Variants in ZNF37A observed in about 807,000 individuals in gnomAD.
The protein encoded by ZNF37A is zinc finger protein 37A, also known as zinc finger protein 37a (KOX 21).
A neutral mutation model predicts 12.3 loss-of-function variants in ZNF37A; 10 were observed. The ratio of observed to expected loss-of-function variants is 0.82; its 90% CI spans 0.50 to 1.38. The LOEUF (loss-of-function observed/expected upper bound fraction) is 1.38, where lower values mean the gene tolerates loss of function less well. Among genes scored for constraint, ZNF37A ranks in the 40% most tolerant of loss-of-function variants. The probability of loss-of-function intolerance (pLI) is 0.00; values close to 1 mark genes in which losing one functional copy is unlikely to be tolerated. For missense variants in ZNF37A, 580 were observed against 651.2 expected, an observed-to-expected ratio of 0.89 and a Z score of 1.19; for synonymous variants, 207 against 223.0, an observed-to-expected ratio of 0.93 and a Z score of 0.64.
In ZNF37A at chr10:38,118,439, C is replaced by T. The variant is rs148160741; in HGVS notation, c.1288C>T (p.Leu430=). 8.7e-6 allele frequency: 14 copies of T among 1,613,874 alleles called. No homozygotes were observed. In the African/African-American group the frequency reaches 1.6e-4, roughly 18 times the overall value. Reference sequence around the variant, plus strand: ...TGAGAAGTCAACCCTTACTAAACATCTAAGAACTCACACAGGTGAGAAACC... The same window carrying T: ...TGAGAAGTCAACCCTTACTAAACATTTAAGAACTCACACAGGTGAGAAACC... The part of the protein sequence containing the change: ...FSEKSTLTKH[L]RTHTGEKPYE... Residue 430 remains leucine (L), a synonymous_variant, in exon 8 of 8, where the codon CTA becomes TTA. Transcript: ENST00000685332.
At chr10:38,148,926 C>G (rs552818637) in exon 8 of ZNF37A, 1 of 151,908 alleles carries the variant, frequency 6.6e-6, no homozygotes, top group African/African-American at 2.4e-5. Context: ...CAGCCTCTGC[C>G]TCCCAGGTTC....
rs1278135932 is a variant in ZNF37A, at chr10:38,119,888, G to A, written c.*1051G>A. 6.6e-6 allele frequency: 1 copy of A among 152,168 alleles called. No homozygotes were observed. The highest frequency in any genetic ancestry group is 2.4e-5 in the African/African-American group (1 of 41,434). 9.4% of individuals were successfully genotyped at this position (152,168 alleles called of 1,614,324 possible). A position where few individuals can be genotyped will look rare whatever the true frequency, so the allele number is the denominator to read the frequency against. On this transcript the variant is annotated 3_prime_UTR_variant, in exon 8 of 8. Coordinates refer to ENST00000685332, the MANE Select transcript of ZNF37A (RefSeq NM_001324250.3). ...GACTAAATTCAGACGACCCATCTCA[G>A]AATGGTGGATCAAAGCAGCAAGTCA... is the stretch of plus-strand genomic sequence containing the variant.
At position 38,142,773 on chromosome 10, in the gene ZNF37A, A is replaced by T. The variant is rs1239484578; in HGVS notation, c.239-3959A>T. 3 of 152,150 alleles carry T rather than the reference A, an allele frequency of 2.0e-5. No homozygotes were observed. The East Asian group carries it at 5.8e-4, about 29-fold the overall frequency. The allele number at this position is 152,150 out of a possible 1,614,324, so 9.4% of individuals were successfully genotyped here. ...TTATGCACGTCACTTGTTGCAGCCC[A>T]CTGGTGTCCACATTCTGCCATGTGA... is the stretch of plus-strand genomic sequence containing the variant. On this transcript the variant is annotated intron_variant, in intron 7 of 7. Coordinates refer to the ZNF37A transcript ENST00000638053.
In ZNF37A at chr10:38,119,381, T is replaced by G. The variant is rs1203105468; in HGVS notation, c.*544T>G. ...AGAAAATGCACAAACTGTAGGAAAC[T>G]ATAGGAAAGCATTTACTATGAGGTT... On this transcript the variant is annotated 3_prime_UTR_variant, in exon 8 of 8. Transcript: ENST00000685332. The G allele has an allele frequency of 1.0e-6, 1 of 994,224 alleles. No individual in the cohort carries two copies. The highest frequency in any genetic ancestry group is 1.7e-5 in the African/African-American group (1 of 57,248). 61.6% of individuals were successfully genotyped at this position (994,224 alleles called of 1,614,324 possible).
At chr10:38,148,626 G>A (rs542090994) in exon 8 of ZNF37A, 1 of 152,240 alleles carries the variant, frequency 6.6e-6, no homozygotes, top group South Asian at 2.1e-4. Context: ...TACTGAGAGG[G>A]AGGCTCATGG....
chr10:38,146,558 C>T (rs2070257525), intron 7 of ZNF37A, among the ~76,000 whole-genome samples: 2 of 152,144 alleles, frequency 1.3e-5, no homozygotes, highest in African/African-American at 4.8e-5. Context: ...TGGGTTGATC[C>T]TGGAACAATC....
intron 7 of ZNF37A, among the ~76,000 whole-genome samples, chr10:38,131,469 C>T (rs1461239666): frequency 1.3e-5 from 2 of 152,160 alleles, no homozygotes; most frequent in Admixed American, 1.3e-4. Flanking sequence ...TGAATGGCCT[C>T]TGCATCTTTG....
intron 5 of ZNF37A, among the ~76,000 whole-genome samples, 154 bp from the exon 6 acceptor site, chr10:38,114,601 A>G (rs2069086856): frequency 6.6e-6 from 1 of 152,186 alleles, no homozygotes; most frequent in African/African-American, 2.4e-5. Flanking sequence ...TACTCACAAT[A>G]TGTAACATAA....
At chr10:38,139,737 TC>T (rs563227609) in intron 7 of ZNF37A, 29 of 152,330 alleles carry the variant, frequency 1.9e-4, no homozygotes, top group African/African-American at 7.0e-4. Context: ...TTACTATTTT[TC>T]TTCCTTCAAG....
chr10:38,100,393 A>C (rs917849802), intron 5 of ZNF37A, among the ~76,000 whole-genome samples: 1 of 152,114 alleles, frequency 6.6e-6, no homozygotes, highest in African/African-American at 2.4e-5. Context: ...GAACTATGGG[A>C]GACTGGGGTC....
intron 5 of ZNF37A, among the ~76,000 whole-genome samples, chr10:38,104,400 G>C (rs1325571400): frequency 2.6e-5 from 4 of 152,032 alleles, no homozygotes; most frequent in Non-Finnish European, 5.9e-5. Context: ...GGAATGTTCT[G>C]GGTGTACTAG....
In ZNF37A at chr10:38,114,782, G is replaced by A. The variant is rs1242775262; in HGVS notation, c.43G>A (p.Val15Met). ...QGSVSFRDVT[V>M]GFTQEEWQHL... is the part of the protein sequence containing the mutation. Reference sequence around the variant, plus strand: ...ATCAGTGTCGTTTAGGGATGTGACTGTGGGCTTCACTCAAGAGGAGTGGCA... The same window carrying A: ...ATCAGTGTCGTTTAGGGATGTGACTATGGGCTTCACTCAAGAGGAGTGGCA... Residue 15 changes from valine to methionine, a missense_variant, in exon 6 of 8, where the codon GTG becomes ATG. Physicochemically the swap from Val to Met is conservative, Grantham distance 21. Transcript: ENST00000685332. 1.2e-6 allele frequency: 2 copies of A among 1,613,930 alleles called. No individual in the cohort carries two copies. Among genetic ancestry groups the A allele is most frequent in the Non-Finnish European group, 1.7e-6 (2 of 1,179,998 alleles).
intron 5 of ZNF37A, among the ~76,000 whole-genome samples, chr10:38,104,969 T>G (rs2067926924): frequency 6.6e-6 from 1 of 152,046 alleles, no homozygotes; most frequent in African/African-American, 2.4e-5. Context: ...CCACAATATT[T>G]ATTTGCTCCT....
At chr10:38,115,021 A>G (rs2069133920) in intron 6 of ZNF37A, 140 bp downstream of exon 6, 1 of 1,305,904 alleles carries the variant, frequency 7.7e-7, no homozygotes, top group South Asian at 1.5e-5. Context: ...CCTTTTGGAT[A>G]CCAGAAAGAA....
intron 5 of ZNF37A, among the ~76,000 whole-genome samples, chr10:38,107,559 G>A (rs2068218765): frequency 6.6e-6 from 1 of 152,156 alleles, no homozygotes; most frequent in Non-Finnish European, 1.5e-5. Flanking sequence ...ACACAGACTG[G>A]CAAATTGGAT....
In ZNF37A at chr10:38,119,328, A is replaced by G; in HGVS notation, c.*491A>G. On this transcript the variant is annotated 3_prime_UTR_variant, in exon 8 of 8. Transcript: ENST00000685332. ...CCTATGGGTGTAATGAATGTGGAAA[A>G]TCATTCTGTGTGAAGTCAAGAGGCC... 4 of 1,019,140 alleles carry G rather than the reference A, an allele frequency of 3.9e-6. No homozygotes were observed. Among genetic ancestry groups the G allele is most frequent in the Non-Finnish European group, 4.8e-6 (4 of 841,316 alleles). 63.1% of individuals were successfully genotyped at this position (1,019,140 alleles called of 1,614,324 possible).
rs2069708178 is a variant in ZNF37A, at chr10:38,121,731, A to G, written c.*2894A>G. On this transcript the variant is annotated 3_prime_UTR_variant, in exon 8 of 8. Coordinates refer to ENST00000685332, the MANE Select transcript of ZNF37A (RefSeq NM_001324250.3). ...CTTTTAAATATATAGGAACAAATAA[A>G]TAAATTGTTGTGTGTGCACATATGC... 6.6e-6 allele frequency: 1 copy of G among 152,196 alleles called. No individual in the cohort carries two copies. Among genetic ancestry groups the G allele is most frequent in the Non-Finnish European group, 1.5e-5 (1 of 68,028 alleles). 9.4% of individuals were successfully genotyped at this position (152,196 alleles called of 1,614,324 possible).
chr10:38,112,775 CTTTTCTTTTCTTTTCTTTTCT>C (rs1564932308), intron 5 of ZNF37A, among the ~76,000 whole-genome samples: 38 of 53,920 alleles, frequency 7.0e-4, no homozygotes, highest in African/African-American at 1.1e-3. Flanking sequence ...CTTTTCTTTT[CTTTTCTTTTCTTTTCTTTTCT>C]TGTCTTGTCT....
Position 38,119,914 on chromosome 10 carries a change from A to G in ZNF37A, c.*1077A>G, listed in dbSNP as rs1210925397. On this transcript the variant is annotated 3_prime_UTR_variant, in exon 8 of 8. Coordinates refer to ENST00000685332, the MANE Select transcript of ZNF37A (RefSeq NM_001324250.3). ...AATGGTGGATCAAAGCAGCAAGTCA[A>G]TTTGCCTTGTATGCAACTTATGAGG... 2.0e-5 allele frequency: 3 copies of G among 152,156 alleles called. No homozygotes were observed. The highest frequency in any genetic ancestry group is 7.2e-5 in the African/African-American group (3 of 41,442). The allele number at this position is 152,156 out of a possible 1,614,324, so 9.4% of individuals were successfully genotyped here. A position where few individuals can be genotyped will look rare whatever the true frequency, so the allele number is the denominator to read the frequency against.
Sources: allele counts gnomAD v4.1 joint callset (sites outside exome capture counted in the v4.1 genomes callset), GRCh38; gene constraint gnomAD v4.1.1; transcripts MANE v1.5; gene names NCBI Gene and HGNC (gene_info 2026-07-23, HGNC 2026-07-21).